The following SAMSN1 variants were observed in gnomAD, a reference collection of about 807,000 sequenced individuals.
The protein encoded by SAMSN1 is SAM domain, SH3 domain and nuclear localization signals 1, also known as SAM domain-containing protein SAMSN-1.
Under a neutral mutation model 42.0 loss-of-function variants are expected in SAMSN1, and 31 were observed. The ratio of observed to expected loss-of-function variants is 0.74; its 90% CI spans 0.55 to 1.00. The LOEUF (loss-of-function observed/expected upper bound fraction) is 1.00, where lower values mean the gene tolerates loss of function less well. Among genes scored for constraint, SAMSN1 ranks in the 50% least tolerant of loss-of-function variants. The probability of loss-of-function intolerance (pLI) is 0.00; values close to 1 mark genes in which losing one functional copy is unlikely to be tolerated. For synonymous variants in SAMSN1, 178 were observed against 151.9 expected, an observed-to-expected ratio of 1.17 and a Z score of -1.26; for missense variants, 464 against 439.4, an observed-to-expected ratio of 1.06 and a Z score of -0.50.
upstream of SAMSN1, among the ~76,000 whole-genome samples, chr21:14,586,185 C>T (rs1378909994): frequency 1.3e-5 from 2 of 149,262 alleles, no homozygotes; most frequent in Non-Finnish European, 3.0e-5. Flanking sequence ...ATTGCTTGAA[C>T]CCGGGAGGCA....
At chr21:14,586,829 GA>G (rs1170373715), upstream of SAMSN1, among the ~76,000 whole-genome samples, 4 of 152,206 alleles carry the variant, frequency 2.6e-5, no homozygotes, top group Non-Finnish European at 4.4e-5. Flanking sequence ...TATTTCACCT[GA>G]GACTTGCATT....
At chr21:14,528,594 A>G (rs1264473464) in intron 1 of SAMSN1, among the ~76,000 whole-genome samples, 2 of 152,206 alleles carry the variant, frequency 1.3e-5, no homozygotes, top group South Asian at 2.1e-4. Context: ...GAGTTTGGAC[A>G]CTTAATGTAA....
intron 2 of SAMSN1, among the ~76,000 whole-genome samples, chr21:14,577,283 TA>T (rs200525116): frequency 0.053 from 2,952 of 55,368 alleles, 253 homozygotes; most frequent in Non-Finnish European, 0.075. Context: ...TATATATATA[TA>T]TTTTTTTTTT....
At chr21:14,532,505 C>T (rs1568792100) in intron 1 of SAMSN1, among the ~76,000 whole-genome samples, 1 of 152,120 alleles carries the variant, frequency 6.6e-6, no homozygotes, top group African/African-American at 2.4e-5. Context: ...CATTTATTTA[C>T]CTTTTAGAAA....
At chr21:14,587,115 T>C (rs1336208761), upstream of SAMSN1, among the ~76,000 whole-genome samples, 1 of 152,204 alleles carries the variant, frequency 6.6e-6, no homozygotes, top group Non-Finnish European at 1.5e-5. Context: ...GAATTTTGAT[T>C]TTCCATTTCA....
intron 1 of SAMSN1, chr21:14,523,280 G>A (rs2123048363): frequency 6.6e-6 from 1 of 152,314 alleles, no homozygotes; most frequent in African/African-American, 2.4e-5. Context: ...CCTCTGGCAA[G>A]GGGTTAGCTT....
At chr21:14,596,598 T>G in intron 6 of SAMSN1, among the ~76,000 whole-genome samples, 1 of 152,174 alleles carries the variant, frequency 6.6e-6, no homozygotes, top group South Asian at 2.1e-4. Flanking sequence ...TTGTGGCCTC[T>G]TCTTGTTCTG....
chr21:14,562,322 G>T (rs941410251), intron 2 of SAMSN1, among the ~76,000 whole-genome samples: 3 of 152,078 alleles, frequency 2.0e-5, no homozygotes, highest in Admixed American at 6.6e-5. Flanking sequence ...GTGTTTTCCT[G>T]TCTATGAAAC....
chr21:14,596,635 C>G (rs1982270212), intron 6 of SAMSN1, among the ~76,000 whole-genome samples: 1 of 152,158 alleles, frequency 6.6e-6, no homozygotes, highest in Non-Finnish European at 1.5e-5. Flanking sequence ...TCTGGGGAAA[C>G]CAGATGACAT....
intron 1 of SAMSN1, among the ~76,000 whole-genome samples, chr21:14,536,555 C>G (rs1440671103): frequency 6.6e-6 from 1 of 152,220 alleles, no homozygotes; most frequent in Non-Finnish European, 1.5e-5. Context: ...ATTACAGATT[C>G]ATATTCTGTA....
In SAMSN1 at chr21:14,577,149, G is replaced by A. The variant is rs559982660; in HGVS notation, c.261+4987C>T. ...CGGCTCATTGCAACCTCCACCTCCC[G>A]GGTTCAAGTGATTCTCCTGCCTCAG... On this transcript the variant is annotated intron_variant, in intron 2 of 8. Transcript: ENST00000285670. Among the ~76,000 whole-genome samples, 51 of 124,884 alleles carry A rather than the reference G, an allele frequency of 4.1e-4. 1 individual carries two copies. In the East Asian group the frequency reaches 7.9e-3, roughly 19 times the overall value. The allele number at this position is 124,884 out of a possible 152,430, so 81.9% of individuals were successfully genotyped here.
intron 2 of SAMSN1, among the ~76,000 whole-genome samples, chr21:14,625,956 G>T (rs1337420493): frequency 6.6e-6 from 1 of 152,152 alleles, no homozygotes; most frequent in Non-Finnish European, 1.5e-5. Context: ...ACAGAACTGA[G>T]ACCTCTGAAA....
In SAMSN1 at chr21:14,485,634, G is replaced by T. The variant is rs1387929111; in HGVS notation, c.*278C>A. 1.2e-5 allele frequency: 3 copies of T among 248,578 alleles called. No homozygotes were observed. The highest frequency in any genetic ancestry group is 1.5e-5 in the Non-Finnish European group (2 of 129,150). The allele number at this position is 248,578 out of a possible 1,614,324, so 15.4% of individuals were successfully genotyped here. On this transcript the variant is annotated 3_prime_UTR_variant, in exon 8 of 8. Coordinates refer to ENST00000400566, the MANE Select transcript of SAMSN1 (RefSeq NM_022136.5). ...TACTTGTAAAATAAAGCCAAATAAA[G>T]CATATGTCACACATACCAAAGTCTT...
intron 2 of SAMSN1, among the ~76,000 whole-genome samples, chr21:14,558,542 G>C (rs544753895): frequency 1.3e-5 from 2 of 151,904 alleles, no homozygotes; most frequent in African/African-American, 4.8e-5. Flanking sequence ...TTAGCCGGCC[G>C]TGGTGATGCA....
rs145934096 is a variant in SAMSN1 at position 14,580,489 on chromosome 21, T to C, written c.261+1647A>G. 9.2e-4 allele frequency among the ~76,000 whole-genome samples: 140 copies of C among 152,278 alleles called. 1 individual carries two copies. The highest frequency in any genetic ancestry group is 3.3e-3 in the African/African-American group (136 of 41,552). On this transcript the variant is annotated intron_variant, in intron 2 of 8. Transcript: ENST00000285670. ...ATCAGAGGGAGTCATCAGAAGCACG[T>C]CCTAATTATATTACCAGCTACTCTC...
chr21:14,497,711 T>A (rs1156769626), intron 7 of SAMSN1, among the ~76,000 whole-genome samples: 3 of 152,184 alleles, frequency 2.0e-5, no homozygotes, highest in Admixed American at 2.0e-4. Context: ...CCCCTTTTGG[T>A]TGCTCACAAA....
At chr21:14,515,180 A>C (rs904426086) in intron 3 of SAMSN1, among the ~76,000 whole-genome samples, 1 of 152,228 alleles carries the variant, frequency 6.6e-6, no homozygotes, top group Admixed American at 6.5e-5. Context: ...CTGGCAACAC[A>C]GAGGTCACTA....
chr21:14,500,808 A>T (rs1191041559), intron 5 of SAMSN1, 73 bp from the exon 6 acceptor site: 2 of 1,178,514 alleles, frequency 1.7e-6, no homozygotes, highest in African/African-American at 3.1e-5. Context: ...ATCATAGAAA[A>T]CTAGAATAAT....
At chr21:14,623,478 A>C (rs1271509328) in intron 2 of SAMSN1, among the ~76,000 whole-genome samples, 1 of 152,246 alleles carries the variant, frequency 6.6e-6, no homozygotes. Context: ...TTGCAATCCT[A>C]GTCTCTGATA....
Sources: allele counts gnomAD v4.1 joint callset (sites outside exome capture counted in the v4.1 genomes callset), GRCh38; gene constraint gnomAD v4.1.1; transcripts MANE v1.5; gene names NCBI Gene and HGNC (gene_info 2026-07-23, HGNC 2026-07-21).